CACNA1H: variants seen among roughly 807,000 people sequenced by gnomAD.
CACNA1H encodes calcium voltage-gated channel subunit alpha1 H, also known as voltage-dependent T-type calcium channel subunit alpha-1H.
CACNA1H carries 149 observed loss-of-function variants against 192.5 expected under a neutral mutation model. The observed-to-expected ratio is 0.77, with a 90% CI of 0.68 to 0.89. The LOEUF is 0.89. CACNA1H is among the 40% of genes least tolerant of loss of function. CACNA1H has a pLI of 0.00. For synonymous variants in CACNA1H, 2,202 were observed against 1,475.2 expected, an observed-to-expected ratio of 1.49 and a Z score of -11.29; for missense variants, 4,257 against 3,423.5, an observed-to-expected ratio of 1.24 and a Z score of -6.08.
intron 21 of CACNA1H, 60 bp downstream of exon 21, chr16:1,211,031 G>A (rs1233304158): frequency 1.1e-5 from 17 of 1,558,988 alleles, no homozygotes; most frequent in Non-Finnish European, 1.5e-5. Flanking sequence ...TGACGCCACT[G>A]CCCATTACTC....
Position 1,201,924 on chromosome 16 carries a change from C to T in CACNA1H, c.1474C>T (p.Pro492Ser), listed in dbSNP as rs935642453. Residue 492 changes from proline (P) to serine (S), a missense_variant, in exon 9 of 35, where the codon CCC (proline) becomes TCC (serine). Transcript: ENST00000348261. ...GAGCCGCTGGCGCAAGAAGGTGGACCCCAGTGCTGTGCAAGGCCAGGGTCC... is the reference window on the plus strand; with the variant it reads ...GAGCCGCTGGCGCAAGAAGGTGGACTCCAGTGCTGTGCAAGGCCAGGGTCC... ...WQSRWRKKVD[P>S]SAVQGQGPGH... The T allele has an allele frequency of 6.5e-6, 10 of 1,549,878 alleles. No individual in the cohort carries two copies. In the East Asian group the frequency reaches 2.0e-4, roughly 30 times the overall value.
At chr16:1,195,629 CCT>C in intron 4 of CACNA1H, 64 bp downstream of exon 4, 2 of 1,530,322 alleles carry the variant, frequency 1.3e-6, no homozygotes, top group Non-Finnish European at 1.8e-6. Flanking sequence ...CACAGGGATC[CCT>C]GTGTCCCACC....
intron 30 of CACNA1H, among the ~76,000 whole-genome samples, chr16:1,216,145 A>ACC (rs1234950137): frequency 6.7e-6 from 1 of 149,418 alleles, no homozygotes; most frequent in Non-Finnish European, 1.5e-5. Context: ...GCCACCCCCA[A>ACC]CCCCCACGGC....
Position 1,198,599 on chromosome 16 carries a change from G to A in CACNA1H, c.644-16G>A. The A allele has an allele frequency of 1.7e-5, 28 of 1,611,596 alleles. No homozygotes were observed. Among genetic ancestry groups the A allele is most frequent in the Non-Finnish European group, 2.3e-5 (27 of 1,179,534 alleles). On this transcript the variant is annotated splice_polypyrimidine_tract_variant and intron_variant, in intron 5 of 34. Transcript: ENST00000348261. ...GCAGGGCTTAGCAGTGCCAATCCTG[G>A]CCCTGCTGCCCACAGGCATGCGGAT...
At chr16:1,198,871 C>T in intron 6 of CACNA1H, 97 bp downstream of exon 6, 1 of 1,243,564 alleles carries the variant, frequency 8.0e-7, no homozygotes, top group Non-Finnish European at 1.1e-6. Flanking sequence ...CGTGGCTCTG[C>T]CCACCGTGCA....
chr16:1,198,283 C>T (rs58049227), intron 5 of CACNA1H, among the ~76,000 whole-genome samples: 5,334 of 152,250 alleles, frequency 0.035, 312 homozygotes, highest in African/African-American at 0.12. Context: ...GGCCAGTCCC[C>T]TGCCTCCACT....
chr16:1,174,029 C>T (rs1029386028), intron 2 of CACNA1H, among the ~76,000 whole-genome samples: 1 of 152,242 alleles, frequency 6.6e-6, no homozygotes, highest in African/African-American at 2.4e-5. Flanking sequence ...TCATGCGGGC[C>T]TGTGGAAGTT....
At chr16:1,192,017 C>G (rs1168884779) in intron 2 of CACNA1H, among the ~76,000 whole-genome samples, 1 of 152,250 alleles carries the variant, frequency 6.6e-6, no homozygotes, top group East Asian at 1.9e-4. Context: ...AGCTGGCGTG[C>G]CTGCAGGCCC....
rs1482052287 is a variant in CACNA1H at position 1,211,165 on chromosome 16, C to T, written c.4224-3C>T. 6.2e-7 allele frequency: 1 copy of T among 1,612,630 alleles called. No individual in the cohort carries two copies. The highest frequency in any genetic ancestry group is 1.7e-5 in the Admixed American group (1 of 60,022). On this transcript the variant is annotated splice_region_variant and splice_polypyrimidine_tract_variant and intron_variant, in intron 21 of 34. Coordinates refer to ENST00000348261, the MANE Select transcript of CACNA1H (RefSeq NM_021098.3). Reference sequence around the variant, plus strand: ...CTGCAGTGTATCCTTCACTCCCCTCCAGGGTCATCAGCCGGGCCCCGGGCC... The same window carrying T: ...CTGCAGTGTATCCTTCACTCCCCTCTAGGGTCATCAGCCGGGCCCCGGGCC...
chr16:1,171,152 G>T (rs1369910771), intron 2 of CACNA1H, among the ~76,000 whole-genome samples: 1 of 152,106 alleles, frequency 6.6e-6, no homozygotes, highest in Non-Finnish European at 1.5e-5. Context: ...GCACCCCTGG[G>T]GTGCTCTCTG....
chr16:1,197,771 A>G (rs948353452), intron 5 of CACNA1H, among the ~76,000 whole-genome samples: 3 of 152,128 alleles, frequency 2.0e-5, no homozygotes, highest in Non-Finnish European at 2.9e-5. Flanking sequence ...CTGGGTGAGA[A>G]CTCAGCGTCC....
rs1967983368 is a variant in CACNA1H, at chr16:1,201,968, G to A, written c.1518G>A (p.Arg506=). ...AGGGTCCCGGGCACCGCCAGCGCCG[G>A]GCAGGCAGGCACACAGCCTCGGTGC... ...QGQGPGHRQR[R]AGRHTASVHH... The change falls in exon 9 of 35, where the codon CGG becomes CGA. Residue 506 remains arginine (R), a synonymous_variant. Coordinates refer to ENST00000348261, the MANE Select transcript of CACNA1H (RefSeq NM_021098.3). 4 of 1,544,178 alleles carry A rather than the reference G, an allele frequency of 2.6e-6. No homozygotes were observed. The East Asian group carries it at 9.8e-5, about 38-fold the overall frequency.
intron 2 of CACNA1H, among the ~76,000 whole-genome samples, chr16:1,169,838 G>C (rs568430993): frequency 6.6e-6 from 1 of 152,254 alleles, no homozygotes; most frequent in Non-Finnish European, 1.5e-5. Context: ...CCCAGGACCG[G>C]CTTCCCCGTG....
chr16:1,169,610 A>C (rs1964161808), intron 2 of CACNA1H, among the ~76,000 whole-genome samples: 1 of 152,182 alleles, frequency 6.6e-6, no homozygotes, highest in Middle Eastern at 3.4e-3. Flanking sequence ...TCCGCCCATC[A>C]GCCGGCTCCC....
intron 3 of CACNA1H, 49 bp from the exon 4 acceptor site, chr16:1,195,383 G>A (rs1364202110): frequency 1.9e-6 from 3 of 1,548,678 alleles, no homozygotes; most frequent in Non-Finnish European, 2.6e-6. Flanking sequence ...TGGGGGTTGT[G>A]GGCTGAGCTG....
rs1238024193 is a variant in CACNA1H, at chr16:1,153,274, C to G, written c.-215C>G. The stretch of plus-strand genomic sequence containing the variant: ...CCGCCGTCGCCTCCGCCGGGCGAGC[C>G]GGAGCCGGAGTCGAGCCGCGGCCGG... On this transcript the variant is annotated 5_prime_UTR_variant, in exon 1 of 35. Coordinates refer to ENST00000348261, the MANE Select transcript of CACNA1H (RefSeq NM_021098.3). The G allele has an allele frequency of 6.9e-6, 1 of 144,432 alleles. No individual in the cohort carries two copies. The highest frequency in any genetic ancestry group is 6.8e-5 in the Admixed American group (1 of 14,640). The allele number at this position is 144,432 out of a possible 1,614,324, so 8.9% of individuals were successfully genotyped here.
chr16:1,195,884 T>C, intron 4 of CACNA1H, 42 bp from the exon 5 acceptor site: 1 of 1,438,944 alleles, frequency 6.9e-7, no homozygotes. Flanking sequence ...CTGGACCACC[T>C]GGGCTCCTTG....
Position 1,167,900 on chromosome 16 carries a change from C to G in CACNA1H, c.299+13864C>G, listed in dbSNP as rs1419357284. Among the ~76,000 whole-genome samples the G allele has an allele frequency of 3.9e-5, 6 of 152,208 alleles. No individual in the cohort carries two copies. The highest frequency in any genetic ancestry group is 1.4e-4 in the African/African-American group (6 of 41,456). On this transcript the variant is annotated intron_variant, in intron 2 of 34. Coordinates refer to ENST00000348261, the MANE Select transcript of CACNA1H (RefSeq NM_021098.3). The surrounding 1 kb of genome is among the most constrained non-coding windows in gnomAD (Gnocchi z 4.2). ...CATGGCAGCAGGTGCTCAGTAAGCA[C>G]TCGCCCCACCAGTGCGTGGAGCACG...
At chr16:1,155,729 C>T (rs959998892) in intron 2 of CACNA1H, among the ~76,000 whole-genome samples, 7 of 152,120 alleles carry the variant, frequency 4.6e-5, no homozygotes, top group Admixed American at 3.9e-4. Context: ...AGCCTGGCCC[C>T]GGTGTTCTGG....
Sources: allele counts gnomAD v4.1 joint callset (sites outside exome capture counted in the v4.1 genomes callset), GRCh38; gene constraint gnomAD v4.1.1; non-coding constraint Gnocchi (gnomAD v3.1); transcripts MANE v1.5; gene names NCBI Gene and HGNC (gene_info 2026-07-23, HGNC 2026-07-21).